TIAM1: variants seen among roughly 807,000 people sequenced by gnomAD.
TIAM1 encodes the protein TIAM Rac1 associated GEF 1.
TIAM1 carries 65 observed loss-of-function variants against 163.5 expected under a neutral mutation model. That is an observed-to-expected ratio of 0.40 (90% confidence interval 0.33 to 0.49). The LOEUF is 0.49. Ranked by LOEUF, TIAM1 falls within the 20% of genes least tolerant of loss-of-function variation. The probability of loss-of-function intolerance (pLI) is 0.77; values close to 1 mark genes in which losing one functional copy is unlikely to be tolerated. For missense variants in TIAM1, 1,789 were observed against 2,044.7 expected, an observed-to-expected ratio of 0.87 and a Z score of 2.41; for synonymous variants, 833 against 810.1, an observed-to-expected ratio of 1.03 and a Z score of -0.48.
chr21:31,153,528 A>G (rs1451730555), intron 17 of TIAM1, among the ~76,000 whole-genome samples: 1 of 152,184 alleles, frequency 6.6e-6, no homozygotes, highest in Non-Finnish European at 1.5e-5. Context: ...AGACTAAGAT[A>G]TAGATACTTA....
chr21:31,429,159 G>T (rs1233618877), intron 2 of TIAM1, among the ~76,000 whole-genome samples: 1 of 151,928 alleles, frequency 6.6e-6, no homozygotes, highest in Non-Finnish European at 1.5e-5. Context: ...ACATGACCAG[G>T]CCCAGCTGGG....
At chr21:31,543,921 C>T (rs2048401631) in intron 1 of TIAM1, among the ~76,000 whole-genome samples, 1 of 120,306 alleles carries the variant, frequency 8.3e-6, no homozygotes, top group Admixed American at 8.5e-5. Context: ...TTTAAATAGG[C>T]AGTCTAAGAC....
chr21:31,437,640 C>T (rs921093944), intron 2 of TIAM1, among the ~76,000 whole-genome samples: 3 of 152,082 alleles, frequency 2.0e-5, no homozygotes, highest in African/African-American at 7.2e-5. Context: ...GGGTGGACAT[C>T]CCCCTTGTTG....
chr21:31,471,594 G>A (rs1203997110), intron 1 of TIAM1, among the ~76,000 whole-genome samples: 2 of 152,040 alleles, frequency 1.3e-5, no homozygotes, highest in African/African-American at 4.8e-5. Flanking sequence ...CAAGGGCTAG[G>A]TAAGGTGGCT....
At chr21:31,130,168 A>C in intron 25 of TIAM1, 45 bp downstream of exon 25, 1 of 1,532,538 alleles carries the variant, frequency 6.5e-7, no homozygotes. Context: ...TCCTACACAC[A>C]TCAGAAATAT....
intron 2 of TIAM1, among the ~76,000 whole-genome samples, chr21:31,332,458 G>T (rs1358704387): frequency 6.6e-6 from 1 of 152,052 alleles, no homozygotes; most frequent in Non-Finnish European, 1.5e-5. Flanking sequence ...AAGAACTTTG[G>T]TCTCCTGACC....
At chr21:31,417,938 T>C (rs912759449) in intron 2 of TIAM1, among the ~76,000 whole-genome samples, 5 of 151,766 alleles carry the variant, frequency 3.3e-5, no homozygotes, top group African/African-American at 1.2e-4. Context: ...GAGAGAGAAA[T>C]TGAAGATGGG....
At chr21:31,460,403 G>T (rs2147347441) in intron 2 of TIAM1, among the ~76,000 whole-genome samples, 1 of 152,340 alleles carries the variant, frequency 6.6e-6, no homozygotes, top group African/African-American at 2.4e-5. Flanking sequence ...GAGGCGGGTG[G>T]ATCACTTGAG....
intron 6 of TIAM1, among the ~76,000 whole-genome samples, chr21:31,236,837 G>C (rs965559881): frequency 6.6e-6 from 1 of 152,194 alleles, no homozygotes; most frequent in Non-Finnish European, 1.5e-5. Context: ...AGGATGCTGA[G>C]CGCCTGGGCA....
In TIAM1 at chr21:31,207,790, A is replaced by C. The variant is rs1203155610; in HGVS notation, c.2388+2255T>G. On this transcript the variant is annotated intron_variant, in intron 11 of 27. Coordinates refer to ENST00000541036, the MANE Select transcript of TIAM1 (RefSeq NM_001353694.2). ...TTTTTAGTACAGATGGGGTTTTGCCATGTTGGCCAGGCTGCTCTCGAACTC... is the reference window on the plus strand; with the variant it reads ...TTTTTAGTACAGATGGGGTTTTGCCCTGTTGGCCAGGCTGCTCTCGAACTC... Among the ~76,000 whole-genome samples, 13 of 152,294 alleles carry C rather than the reference A, an allele frequency of 8.5e-5. 1 individual carries two copies. The South Asian group carries it at 2.5e-3, about 29-fold the overall frequency.
At chr21:31,274,793 C>G (rs553340994) in intron 3 of TIAM1, among the ~76,000 whole-genome samples, 1 of 152,252 alleles carries the variant, frequency 6.6e-6, no homozygotes, top group African/African-American at 2.4e-5. Flanking sequence ...GACCTTGAGA[C>G]AGCTAAAAAT....
At chr21:31,521,662 G>A (rs1022401406) in intron 1 of TIAM1, among the ~76,000 whole-genome samples, 9 of 151,748 alleles carry the variant, frequency 5.9e-5, no homozygotes, top group African/African-American at 1.7e-4. Context: ...GCTTGAGCCC[G>A]GGAGTTCAAG....
chr21:31,453,038 T>C (rs1569344433), intron 2 of TIAM1: 4 of 448,888 alleles, frequency 8.9e-6, no homozygotes, highest in Non-Finnish European at 1.8e-5. Flanking sequence ...TCATTGGAGA[T>C]CTTCTGGATC....
intron 15 of TIAM1, among the ~76,000 whole-genome samples, chr21:31,179,031 G>A (rs946407061): frequency 7.9e-5 from 12 of 151,812 alleles, no homozygotes; most frequent in East Asian, 2.0e-4. Context: ...GATTACAGGC[G>A]TGAGCCACCA....
rs948790450 is a variant in TIAM1, at chr21:31,261,467, T to G, written c.963+4543A>C. Among the ~76,000 whole-genome samples the G allele has an allele frequency of 1.2e-4, 18 of 152,016 alleles. 1 individual carries two copies. Among genetic ancestry groups the G allele is most frequent in the Admixed American group, 1.2e-3 (18 of 15,246 alleles). ...TGGCTCACGCCTGTAATCCTAGCAT[T>G]TTGGGAGGCTGAGGCGGGAAGATCA... On this transcript the variant is annotated intron_variant, in intron 4 of 27. Coordinates refer to ENST00000541036, the MANE Select transcript of TIAM1 (RefSeq NM_001353694.2).
Position 31,252,080 on chromosome 21 carries a change from G to T in TIAM1, c.1073C>A (p.Ser358Ter). 1 of 1,614,004 alleles carries T rather than the reference G, an allele frequency of 6.2e-7. No individual in the cohort carries two copies. Among genetic ancestry groups the T allele is most frequent in the Non-Finnish European group, 8.5e-7 (1 of 1,180,044 alleles). ...CACAAAGGCCCGGCCTGTGGTGGGT[G>T]AGTAGCTGGAGTTGGTGGCATTAGA... ...RRSNATNSSY[S>*]PTTGRAFVGS... Residue 358 changes from serine to a stop codon, truncating the protein, a stop_gained, in exon 5 of 28, where the codon TCA becomes TAA. Transcript: ENST00000541036. LOFTEE classifies it high-confidence loss of function.
chr21:31,322,105 T>C (rs1045428595), intron 2 of TIAM1, among the ~76,000 whole-genome samples: 3 of 152,038 alleles, frequency 2.0e-5, no homozygotes, highest in African/African-American at 7.2e-5. Flanking sequence ...TAGAAAGAAA[T>C]CATCTAAATA....
intron 1 of TIAM1, among the ~76,000 whole-genome samples, chr21:31,555,173 G>A (rs1428636567): frequency 6.7e-6 from 1 of 148,904 alleles, no homozygotes; most frequent in Non-Finnish European, 1.5e-5. Context: ...ATGATGATGA[G>A]AGAGAATTTG....
At chr21:31,488,340 G>A (rs2046345354) in intron 1 of TIAM1, among the ~76,000 whole-genome samples, 1 of 152,188 alleles carries the variant, frequency 6.6e-6, no homozygotes, top group African/African-American at 2.4e-5. Flanking sequence ...TTGAATCCAG[G>A]CAGTCCGACC....
Sources: allele counts gnomAD v4.1 joint callset (sites outside exome capture counted in the v4.1 genomes callset), GRCh38; gene constraint gnomAD v4.1.1; transcripts MANE v1.5; gene names NCBI Gene and HGNC (gene_info 2026-07-23, HGNC 2026-07-21).